The following FRMD4A variants were observed in gnomAD, a reference collection of about 807,000 sequenced individuals.
The protein encoded by FRMD4A is FERM domain containing 4A.
Under a neutral mutation model 129.1 loss-of-function variants are expected in FRMD4A, and 29 were observed. The ratio of observed to expected loss-of-function variants is 0.22; its 90% CI spans 0.17 to 0.31. FRMD4A has a LOEUF of 0.31. FRMD4A is among the 10% of genes least tolerant of loss of function. The probability of loss-of-function intolerance (pLI) is 1.00; values close to 1 mark genes in which losing one functional copy is unlikely to be tolerated. For synonymous variants in FRMD4A, 634 were observed against 571.6 expected (o/e 1.11, Z -1.56); for missense variants, 1,272 against 1,375.8 (o/e 0.92, Z 1.19).
chr10:14,017,532 G>A (rs998714444), intron 2 of FRMD4A, among the ~76,000 whole-genome samples: 1 of 152,186 alleles, frequency 6.6e-6, no homozygotes, highest in Non-Finnish European at 1.5e-5. Flanking sequence ...GTCTTAATAA[G>A]GATTGGGTGG....
rs150001883 is a variant in FRMD4A at position 13,938,806 on chromosome 10, T to C, written c.46-79894A>G. ...ATCAGTTGGTAGAGGCCAGGGATGC[T>C]GTTAAACATCCTGGAATGCCCAGAG... is the stretch of plus-strand genomic sequence containing the variant. On this transcript the variant is annotated intron_variant, in intron 2 of 24. Coordinates refer to ENST00000357447, the MANE Select transcript of FRMD4A (RefSeq NM_018027.5). Among the ~76,000 whole-genome samples the C allele has an allele frequency of 2.5e-3, 386 of 152,306 alleles. 3 individuals carry two copies. The highest frequency in any genetic ancestry group is 8.7e-3 in the African/African-American group (362 of 41,562).
At chr10:14,243,983 A>G (rs972950909) in intron 2 of FRMD4A, among the ~76,000 whole-genome samples, 1 of 152,206 alleles carries the variant, frequency 6.6e-6, no homozygotes, top group African/African-American at 2.4e-5. Context: ...CTTCTTCTTT[A>G]TCAATGAATG....
intron 2 of FRMD4A, among the ~76,000 whole-genome samples, chr10:14,111,838 G>T (rs187740687): frequency 6.6e-6 from 1 of 151,548 alleles, no homozygotes; most frequent in African/African-American, 2.4e-5. Context: ...GTGCTGTGGA[G>T]GGGGAGGACA....
chr10:13,925,020 C>T (rs1426878653), intron 2 of FRMD4A, among the ~76,000 whole-genome samples: 1 of 142,014 alleles, frequency 7.0e-6, no homozygotes, highest in Non-Finnish European at 1.5e-5. Context: ...GCCGAGATTG[C>T]ACCACTGCAC....
Position 13,768,080 on chromosome 10 carries a change from ATGTG to A in FRMD4A, c.385-5404_385-5401del, listed in dbSNP as rs36052011. Among the ~76,000 whole-genome samples, 745 of 150,080 alleles carry A rather than the reference ATGTG, an allele frequency of 5.0e-3. 5 individuals are homozygous for A. Among genetic ancestry groups the A allele is most frequent in the African/African-American group, 0.015 (630 of 40,894 alleles). ...AGACGAACCGTGACCGTCTGCAGGTATGTGTGTGTGTGTGTGTGTGTGCGAACGT... is the reference window on the plus strand; with the variant it reads ...AGACGAACCGTGACCGTCTGCAGGTATGTGTGTGTGTGTGTGTGCGAACGT... On this transcript the variant is annotated intron_variant, in intron 6 of 24. Transcript: ENST00000357447.
intron 2 of FRMD4A, among the ~76,000 whole-genome samples, chr10:14,087,079 T>C (rs375340556): frequency 2.2e-4 from 34 of 152,028 alleles, no homozygotes; most frequent in African/African-American, 8.0e-4. Flanking sequence ...CCAGGGCAAA[T>C]TGGAACCAGC....
rs540105153 is a variant in FRMD4A at position 13,901,329 on chromosome 10, G to A, written c.46-42417C>T. Among the ~76,000 whole-genome samples the A allele has an allele frequency of 2.0e-5, 3 of 152,320 alleles. No homozygotes were observed. The South Asian group carries it at 6.2e-4, about 32-fold the overall frequency. On this transcript the variant is annotated intron_variant, in intron 2 of 24. Transcript: ENST00000357447. Reference sequence around the variant, plus strand: ...TTGTAAAATTGAATGGAGGCTGGGTGTGGTGGCTCATGCCTGTAATCCCAG... The same window carrying A: ...TTGTAAAATTGAATGGAGGCTGGGTATGGTGGCTCATGCCTGTAATCCCAG...
chr10:13,953,590 A>T (rs1289168189), intron 2 of FRMD4A, among the ~76,000 whole-genome samples: 1 of 152,184 alleles, frequency 6.6e-6, no homozygotes, highest in East Asian at 1.9e-4. Context: ...CTAGTCACCT[A>T]GTAGCCATCT....
chr10:14,013,174 A>G lies in FRMD4A; in HGVS notation c.46-154262T>C, dbSNP rs112420207. Among the ~76,000 whole-genome samples the G allele has an allele frequency of 4.1e-4, 62 of 152,308 alleles. 4 individuals are homozygous for G. Among genetic ancestry groups the G allele is most frequent in the African/African-American group, 1.3e-3 (56 of 41,558 alleles). On this transcript the variant is annotated intron_variant, in intron 2 of 24. Transcript: ENST00000357447. ...GCAAAAAAGGCGAAATACCACTTAC[A>G]TGAAGGAAACAGAAACAATCCAAGG...
At position 13,857,933 on chromosome 10, in the gene FRMD4A, A is replaced by G. The variant is rs1052935141; in HGVS notation, c.111+914T>C. Among the ~76,000 whole-genome samples the G allele has an allele frequency of 3.3e-5, 5 of 152,218 alleles. No homozygotes were observed. In the East Asian group the frequency reaches 9.6e-4, roughly 29 times the overall value. ...AACAAGTTGAAAAAGGTGAGGGTCT[A>G]TGATTCCAATTACTTCTCCAATTTT... On this transcript the variant is annotated intron_variant, in intron 3 of 24. Transcript: ENST00000357447.
intron 15 of FRMD4A, among the ~76,000 whole-genome samples, chr10:13,679,527 G>A (rs1430317580): frequency 3.5e-5 from 4 of 114,096 alleles, no homozygotes; most frequent in South Asian, 6.9e-4. Context: ...CACAAACGAT[G>A]TTTCCTGAGT....
At chr10:13,714,034 A>AAAATATATATATATATAAAATATATATTT (rs2088462626) in intron 12 of FRMD4A, among the ~76,000 whole-genome samples, 1 of 11,114 alleles carries the variant, frequency 9.0e-5, no homozygotes, top group African/African-American at 3.2e-4. Context: ...ATACATATAT[A>AAAATATATATATATATAAAATATATATTT]TATATATATA....
At chr10:14,322,207 G>A (rs767879194) in intron 2 of FRMD4A, among the ~76,000 whole-genome samples, 9 of 152,148 alleles carry the variant, frequency 5.9e-5, no homozygotes, top group Non-Finnish European at 1.0e-4. Flanking sequence ...TGAGTACATA[G>A]GAGGGGCCAG....
At chr10:14,133,327 C>T (rs544239648) in intron 2 of FRMD4A, among the ~76,000 whole-genome samples, 52 of 152,266 alleles carry the variant, frequency 3.4e-4, no homozygotes, top group Middle Eastern at 3.4e-3. Flanking sequence ...AGCACCAAAG[C>T]GATGTTGAGA....
At chr10:14,090,459 CG>C (rs1836596358) in intron 2 of FRMD4A, among the ~76,000 whole-genome samples, 2 of 152,082 alleles carry the variant, frequency 1.3e-5, no homozygotes, top group Non-Finnish European at 1.5e-5. Flanking sequence ...TCAACCAGCC[CG>C]TGGGCATCAT....
At chr10:14,120,529 C>G (rs1367000653) in intron 2 of FRMD4A, among the ~76,000 whole-genome samples, 1 of 152,224 alleles carries the variant, frequency 6.6e-6, no homozygotes, top group Non-Finnish European at 1.5e-5. Context: ...ATTCACTACT[C>G]AGTAGATTAT....
At chr10:13,838,649 C>A (rs945642108) in intron 3 of FRMD4A, among the ~76,000 whole-genome samples, 1 of 152,142 alleles carries the variant, frequency 6.6e-6, no homozygotes, top group African/African-American at 2.4e-5. Flanking sequence ...TGTGCCACCA[C>A]GCCCAGCTAA....
intron 2 of FRMD4A, among the ~76,000 whole-genome samples, chr10:13,950,503 T>C (rs1565098577): frequency 6.6e-6 from 1 of 152,168 alleles, no homozygotes; most frequent in Non-Finnish European, 1.5e-5. Flanking sequence ...GAAGACATGA[T>C]GTAAATAATT....
intron 2 of FRMD4A, among the ~76,000 whole-genome samples, chr10:14,009,031 G>A (rs1423688692): frequency 6.6e-6 from 1 of 152,188 alleles, no homozygotes; most frequent in Non-Finnish European, 1.5e-5. Flanking sequence ...TTTTACGTGT[G>A]CCAGTAAACA....
Sources: allele counts gnomAD v4.1 joint callset (sites outside exome capture counted in the v4.1 genomes callset), GRCh38; gene constraint gnomAD v4.1.1; transcripts MANE v1.5; gene names NCBI Gene and HGNC (gene_info 2026-07-23, HGNC 2026-07-21).